Variants in STPG2 observed in about 807,000 individuals in gnomAD.
STPG2 encodes the protein sperm-tail PG-rich repeat-containing protein 2.
STPG2 carries 56 observed loss-of-function variants against 54.2 expected under a neutral mutation model. The observed-to-expected ratio is 1.03, with a 90% CI of 0.83 to 1.29. The LOEUF is 1.29. Ranked by LOEUF, STPG2 falls within the 50% of genes most tolerant of loss-of-function variation. The probability of loss-of-function intolerance (pLI) is 0.00; values close to 1 mark genes in which losing one functional copy is unlikely to be tolerated. For missense variants in STPG2, 596 were observed against 544.9 expected (o/e 1.09, Z -0.93); for synonymous variants, 200 against 181.8 (o/e 1.10, Z -0.81).
chr4:97,810,285 G>T (rs1338518877), intron 9 of STPG2, among the ~76,000 whole-genome samples: 1 of 151,992 alleles, frequency 6.6e-6, no homozygotes, highest in African/African-American at 2.4e-5. Context: ...CCAACATGGT[G>T]AAACCCCGTC....
chr4:97,653,904 G>T (rs1722143701), intron 10 of STPG2, among the ~76,000 whole-genome samples: 1 of 152,156 alleles, frequency 6.6e-6, no homozygotes, highest in African/African-American at 2.4e-5. Flanking sequence ...CACTGCAGGT[G>T]GTAACAGTTT....
At chr4:97,499,934 T>C (rs1486012701) in intron 4 of STPG2, among the ~76,000 whole-genome samples, 2 of 152,024 alleles carry the variant, frequency 1.3e-5, no homozygotes, top group Admixed American at 6.6e-5. Context: ...GTCTATTGCA[T>C]AGGCCTCATA....
At position 97,929,468 on chromosome 4, in the gene STPG2, G is replaced by T. The variant is rs565311923; in HGVS notation, c.1044+14429C>A. On this transcript the variant is annotated intron_variant, in intron 8 of 10. Transcript: ENST00000295268. ...AATTGCCACACTGTCTTCTACAATG[G>T]TTGAACTAGTTTACACTCCCACCAA... Among the ~76,000 whole-genome samples, 146 of 152,150 alleles carry T rather than the reference G, an allele frequency of 9.6e-4. 5 individuals carry two copies. In the South Asian group the frequency reaches 0.029, roughly 31 times the overall value.
chr4:98,083,319 A>G (rs1445524524), intron 5 of STPG2, among the ~76,000 whole-genome samples: 2 of 152,240 alleles, frequency 1.3e-5, no homozygotes, highest in Non-Finnish European at 2.9e-5. Flanking sequence ...GAATTTAGGT[A>G]TATCAGAATT....
intron 10 of STPG2, among the ~76,000 whole-genome samples, chr4:97,560,933 C>T (rs1331968932): frequency 6.6e-6 from 1 of 152,170 alleles, no homozygotes; most frequent in African/African-American, 2.4e-5. Context: ...GTCTTTATAG[C>T]AGCATGATTT....
chr4:97,664,147 G>C (rs1722454477), intron 10 of STPG2, among the ~76,000 whole-genome samples: 1 of 152,112 alleles, frequency 6.6e-6, no homozygotes, highest in Admixed American at 6.5e-5. Context: ...TGTTTTCCAA[G>C]TGTTTTCTAT....
At chr4:98,122,682 A>G (rs1456803045) in intron 3 of STPG2, among the ~76,000 whole-genome samples, 2 of 151,908 alleles carry the variant, frequency 1.3e-5, no homozygotes, top group African/African-American at 4.8e-5. Flanking sequence ...TATCAGGATG[A>G]TGCTGGCCTC....
At chr4:97,597,293 A>T (rs1032481420) in intron 10 of STPG2, among the ~76,000 whole-genome samples, 1 of 152,072 alleles carries the variant, frequency 6.6e-6, no homozygotes, top group Non-Finnish European at 1.5e-5. Context: ...AAAAGCCCAC[A>T]ACCAGATGGA....
intron 4 of STPG2, among the ~76,000 whole-genome samples, chr4:97,467,835 T>C (rs1239132114): frequency 6.7e-6 from 1 of 150,090 alleles, no homozygotes; most frequent in Admixed American, 6.7e-5. Context: ...TTATTAAAGC[T>C]GCTTTTGCTT....
chr4:97,782,050 C>T (rs962513867), intron 9 of STPG2, among the ~76,000 whole-genome samples: 7 of 152,194 alleles, frequency 4.6e-5, no homozygotes, highest in African/African-American at 1.7e-4. Flanking sequence ...CTCACCACTC[C>T]TATTCAGCAT....
chr4:97,670,793 C>T (rs189379541), intron 10 of STPG2, among the ~76,000 whole-genome samples: 4 of 152,242 alleles, frequency 2.6e-5, no homozygotes, highest in Admixed American at 2.6e-4. Flanking sequence ...CATTAGATAA[C>T]CATATACTGT....
At chr4:97,870,344 C>T (rs1257555064) in intron 8 of STPG2, among the ~76,000 whole-genome samples, 1 of 151,318 alleles carries the variant, frequency 6.6e-6, no homozygotes, top group African/African-American at 2.4e-5. Context: ...ATAAACTTAA[C>T]TCACTTGTTA....
At chr4:97,744,993 T>A (rs1438644836) in intron 9 of STPG2, among the ~76,000 whole-genome samples, 4 of 151,366 alleles carry the variant, frequency 2.6e-5, no homozygotes, top group African/African-American at 9.7e-5. Flanking sequence ...TTACTCCAGT[T>A]ACTAATGAGA....
At chr4:97,470,544 A>G (rs926058011) in intron 4 of STPG2, among the ~76,000 whole-genome samples, 3 of 152,150 alleles carry the variant, frequency 2.0e-5, no homozygotes, top group Non-Finnish European at 4.4e-5. Context: ...GGATGATACC[A>G]AACACTGTAT....
intron 4 of STPG2, among the ~76,000 whole-genome samples, chr4:97,496,780 C>T (rs1180155968): frequency 6.6e-6 from 1 of 151,638 alleles, no homozygotes; most frequent in South Asian, 2.1e-4. Flanking sequence ...TACAAATGTA[C>T]CTTTGGTTAT....
intron 9 of STPG2, among the ~76,000 whole-genome samples, chr4:97,735,813 C>T (rs1724968620): frequency 6.6e-6 from 1 of 151,570 alleles, no homozygotes; most frequent in Non-Finnish European, 1.5e-5. Flanking sequence ...GGTTAATGTC[C>T]TAAATATATA....
At position 97,602,002 on chromosome 4, in the gene STPG2, G is replaced by GCTA. The variant is rs1560680602; in HGVS notation, c.1321-42888_1321-42886dup. Among the ~76,000 whole-genome samples the GCTA allele has an allele frequency of 2.2e-5, 3 of 135,146 alleles. No individual in the cohort carries two copies. In the South Asian group the frequency reaches 6.4e-4, roughly 29 times the overall value. The allele number at this position is 135,146 out of a possible 152,430, so 88.7% of individuals were successfully genotyped here. A position where few individuals can be genotyped will look rare whatever the true frequency, so the allele number is the denominator to read the frequency against. The stretch of plus-strand genomic sequence containing the variant: ...ATTTCTATGTACCCCATATTTTGTT[G>GCTA]CTATTTACATAGTAGGTTTTAAATA... On this transcript the variant is annotated intron_variant, in intron 10 of 10. Transcript: ENST00000295268.
At chr4:97,929,321 G>C (rs1732452328) in intron 8 of STPG2, among the ~76,000 whole-genome samples, 1 of 152,106 alleles carries the variant, frequency 6.6e-6, no homozygotes, top group African/African-American at 2.4e-5. Context: ...ATTGTCAATA[G>C]TACTGCAATA....
chr4:97,758,988 G>A (rs1373251629), intron 9 of STPG2, among the ~76,000 whole-genome samples: 3 of 152,046 alleles, frequency 2.0e-5, no homozygotes, highest in African/African-American at 4.8e-5. Context: ...AAAAATGAAC[G>A]TATAATATTT....
Sources: gnomAD v4.1 joint callset for allele counts (sites outside exome capture counted in the v4.1 genomes callset) on GRCh38, gnomAD v4.1.1 for gene constraint, MANE v1.5 for transcripts, NCBI Gene and HGNC (gene_info 2026-07-23, HGNC 2026-07-21) for gene names.